The following KDM6A variants were observed in gnomAD, a reference collection of about 807,000 sequenced individuals.
KDM6A encodes the protein lysine demethylase 6A.
KDM6A carries 11 observed loss-of-function variants against 117.6 expected under a neutral mutation model. The observed-to-expected ratio is 0.09, with a 90% CI of 0.06 to 0.15. The LOEUF (loss-of-function observed/expected upper bound fraction) is 0.15, where lower values mean the gene tolerates loss of function less well. Among genes scored for constraint, KDM6A ranks in the 10% least tolerant of loss-of-function variants. The pLI is 1.00. For missense variants in KDM6A, 799 were observed against 1,077.3 expected, an observed-to-expected ratio of 0.74 and a Z score of 3.62; for synonymous variants, 384 against 396.1, an observed-to-expected ratio of 0.97 and a Z score of 0.36.
At chrX:44,897,327 C>A (rs1177962760) in intron 2 of KDM6A, among the ~76,000 whole-genome samples, 11 of 96,046 alleles carry the variant, frequency 1.1e-4, no homozygotes, top group African/African-American at 4.3e-4. Flanking sequence ...ATAACATTTG[C>A]TGAGATTTCT....
intron 5 of KDM6A, among the ~76,000 whole-genome samples, chrX:45,013,184 G>A (rs745874950): frequency 9.0e-6 from 1 of 111,587 alleles, no homozygotes; most frequent in Admixed American, 9.5e-5. Context: ...AGTGGCAGAA[G>A]CAAGCTTATG....
At chrX:45,096,098 G>A (rs996877783) in intron 27 of KDM6A, among the ~76,000 whole-genome samples, 3 of 111,053 alleles carry the variant, frequency 2.7e-5, no homozygotes. Flanking sequence ...ACGAATTATA[G>A]GCTATATTAA....
At chrX:45,042,251 C>T (rs1261141484) in intron 8 of KDM6A, among the ~76,000 whole-genome samples, 1 of 48,364 alleles carries the variant, frequency 2.1e-5, no homozygotes, top group Non-Finnish European at 3.0e-5. Context: ...GGAAGGAGAC[C>T]GTGGAGGGAG....
chrX:45,061,554 C>T lies in KDM6A; in HGVS notation c.1581+135C>T, dbSNP rs545584122. The T allele has an allele frequency of 7.0e-5, 24 of 341,724 alleles. No individual in the cohort carries two copies. In the South Asian group the frequency reaches 8.5e-4, roughly 12 times the overall value. The allele number at this position is 341,724 out of a possible 1,213,427, so 28.2% of individuals were successfully genotyped here. ...TCACCCAGGCTGGAGTATAGTGGCA[C>T]GCTCTTGGCTCACTGCAACCTCCGC... On this transcript the variant is annotated intron_variant, in intron 15 of 29. Coordinates refer to ENST00000611820, the MANE Select transcript of KDM6A (RefSeq NM_001291415.2).
chrX:45,032,903 T>A (rs2042659116), intron 6 of KDM6A, among the ~76,000 whole-genome samples: 1 of 112,579 alleles, frequency 8.9e-6, no homozygotes, highest in African/African-American at 3.2e-5. Flanking sequence ...GGTCAAGAAA[T>A]ACTCCTGCCA....
At chrX:44,988,717 A>C (rs1358137613) in intron 4 of KDM6A, among the ~76,000 whole-genome samples, 2 of 111,068 alleles carry the variant, frequency 1.8e-5, no homozygotes, top group African/African-American at 6.6e-5. Flanking sequence ...GTGGCTGCAG[A>C]ACAGCGGATA....
intron 4 of KDM6A, among the ~76,000 whole-genome samples, chrX:45,008,398 T>A (rs2147564579): frequency 9.0e-6 from 1 of 110,722 alleles, no homozygotes; most frequent in African/African-American, 3.3e-5. Context: ...ATAAAAAAAA[T>A]AAAAATAAAC....
At chrX:44,977,001 T>C (rs2039646328) in intron 4 of KDM6A, among the ~76,000 whole-genome samples, 1 of 111,575 alleles carries the variant, frequency 9.0e-6, no homozygotes, top group African/African-American at 3.3e-5. Context: ...TTTAATTATC[T>C]AATTTTTGAG....
intron 8 of KDM6A, among the ~76,000 whole-genome samples, chrX:45,041,852 C>T (rs1449060538): frequency 3.6e-5 from 4 of 111,035 alleles, no homozygotes; most frequent in African/African-American, 1.3e-4. Flanking sequence ...GACGGGGTGG[C>T]GGCTGGGCAG....
intron 2 of KDM6A, among the ~76,000 whole-genome samples, chrX:44,889,080 A>G (rs1181261327): frequency 2.7e-5 from 3 of 111,904 alleles, no homozygotes; most frequent in African/African-American, 9.7e-5. Context: ...CAGTGGCACA[A>G]TCTTGGCTCA....
chrX:44,988,503 C>T (rs770012089), intron 4 of KDM6A, among the ~76,000 whole-genome samples: 6 of 111,154 alleles, frequency 5.4e-5, no homozygotes, highest in South Asian at 3.8e-4. Flanking sequence ...TTAGAGTTTC[C>T]GGTTTTTCTG....
intron 5 of KDM6A, among the ~76,000 whole-genome samples, chrX:45,020,394 C>T (rs1012048396): frequency 7.2e-5 from 8 of 111,213 alleles, no homozygotes; most frequent in Non-Finnish European, 1.5e-4. Context: ...TCTTCCTTCC[C>T]CTTTATATCA....
chrX:45,078,020 A>G (rs1352384744), intron 19 of KDM6A, among the ~76,000 whole-genome samples: 3 of 112,000 alleles, frequency 2.7e-5, no homozygotes, highest in African/African-American at 9.7e-5. Context: ...GGAACCATAC[A>G]ATATTTGTCT....
At chrX:45,082,434 C>G in intron 21 of KDM6A, 142 bp from the exon 22 acceptor site, 1 of 476,589 alleles carries the variant, frequency 2.1e-6, no homozygotes, top group Non-Finnish European at 3.6e-6. Flanking sequence ...AACCTTGTCT[C>G]AAAAAATTAA....
intron 2 of KDM6A, among the ~76,000 whole-genome samples, chrX:44,930,192 A>G (rs2036546396): frequency 9.1e-6 from 1 of 110,221 alleles, no homozygotes; most frequent in Non-Finnish European, 1.9e-5. Context: ...TTCTTTATAT[A>G]TTCTAGATAT....
intron 3 of KDM6A, among the ~76,000 whole-genome samples, chrX:44,962,644 A>G (rs1280276661): frequency 1.8e-5 from 2 of 112,553 alleles, no homozygotes; most frequent in African/African-American, 6.5e-5. Flanking sequence ...GACCCCTGCA[A>G]TTTATTGCGA....
intron 4 of KDM6A, among the ~76,000 whole-genome samples, chrX:45,003,836 TC>T (rs1449256523): frequency 5.7e-5 from 6 of 105,982 alleles, no homozygotes; most frequent in African/African-American, 1.7e-4. Context: ...TGCCTTTTTT[TC>T]CTCTCTCCCC....
chrX:44,907,693 C>T (rs1356303105), intron 2 of KDM6A, among the ~76,000 whole-genome samples: 25 of 107,032 alleles, frequency 2.3e-4, no homozygotes, highest in African/African-American at 8.5e-4. Flanking sequence ...AGTGATCCAC[C>T]CGTCTTGGCC....
At chrX:44,954,116 TA>T (rs903223364) in intron 2 of KDM6A, among the ~76,000 whole-genome samples, 252 of 103,631 alleles carry the variant, frequency 2.4e-3, no homozygotes, top group South Asian at 5.9e-3. Context: ...CTTTCCTCAT[TA>T]AAAAAAAAAA....
Sources: allele counts gnomAD v4.1 joint callset (sites outside exome capture counted in the v4.1 genomes callset), GRCh38; gene constraint gnomAD v4.1.1; transcripts MANE v1.5; gene names NCBI Gene and HGNC (gene_info 2026-07-23, HGNC 2026-07-21).